The following FRG1 variants were observed in gnomAD, a reference collection of about 807,000 sequenced individuals.
FRG1 encodes the protein FSHD region gene 1.
Under a neutral mutation model 37.0 loss-of-function variants are expected in FRG1, and 19 were observed. The observed-to-expected ratio is 0.51, with a 90% CI of 0.36 to 0.75. FRG1 has a LOEUF of 0.75. Ranked by LOEUF, FRG1 falls within the 30% of genes least tolerant of loss-of-function variation. The pLI, the probability that FRG1 is intolerant of heterozygous loss-of-function variation, is 0.00. For missense variants in FRG1, 243 were observed against 301.4 expected (o/e 0.81, Z 1.44); for synonymous variants, 73 against 96.5 (o/e 0.76, Z 1.43).
At chr4:189,945,456 A>T (rs917053143) in intron 2 of FRG1, among the ~76,000 whole-genome samples, 2 of 152,252 alleles carry the variant, frequency 1.3e-5, no homozygotes, top group African/African-American at 4.8e-5. Context: ...AGTTTTTATC[A>T]TAACGATGTT....
At chr4:189,949,276 ATTATG>A (rs1259834007) in intron 2 of FRG1, among the ~76,000 whole-genome samples, 1 of 152,188 alleles carries the variant, frequency 6.6e-6, no homozygotes, top group Non-Finnish European at 1.5e-5. Flanking sequence ...ACCATTAAGT[ATTATG>A]TTATGTTACT....
chr4:189,948,993 T>C (rs1308319806), intron 2 of FRG1, among the ~76,000 whole-genome samples: 6 of 152,190 alleles, frequency 3.9e-5, no homozygotes, highest in Non-Finnish European at 8.8e-5. Context: ...ATGTAAACAT[T>C]CTAAACTATG....
intron 2 of FRG1, among the ~76,000 whole-genome samples, chr4:189,948,513 A>G (rs1420871031): frequency 2.0e-5 from 3 of 152,228 alleles, no homozygotes; most frequent in African/African-American, 7.2e-5. Flanking sequence ...TTCCAAATCT[A>G]AGATATATCA....
intron 1 of FRG1, among the ~76,000 whole-genome samples, chr4:189,942,533 G>C (rs531138405): frequency 1.3e-5 from 2 of 152,280 alleles, no homozygotes; most frequent in South Asian, 4.1e-4. Context: ...CATTGTTGTA[G>C]CGCCTGTTCC....
In FRG1 at chr4:189,963,175, T is replaced by C. The variant is rs772740393; in HGVS notation, c.*46T>C. ...TTATCTTTCTGTGTTTTTTTCTGAA[T>C]AAAATATTCAGAGGAAATGCTTTTA... On this transcript the variant is annotated 3_prime_UTR_variant, in exon 9 of 9. Coordinates refer to ENST00000226798, the MANE Select transcript of FRG1 (RefSeq NM_004477.3). 5 of 1,513,278 alleles carry C rather than the reference T, an allele frequency of 3.3e-6. No individual in the cohort carries two copies. Among genetic ancestry groups the C allele is most frequent in the South Asian group, 2.3e-5 (2 of 87,514 alleles). 93.7% of individuals were successfully genotyped at this position (1,513,278 alleles called of 1,614,324 possible).
chr4:189,951,940 A>T (rs1168536133), intron 2 of FRG1, among the ~76,000 whole-genome samples: 2 of 152,164 alleles, frequency 1.3e-5, no homozygotes, highest in Non-Finnish European at 2.9e-5. Context: ...AAATCTGAAT[A>T]AGCTTCATGG....
At chr4:189,946,179 A>T (rs548940378) in intron 2 of FRG1, among the ~76,000 whole-genome samples, 1 of 152,142 alleles carries the variant, frequency 6.6e-6, no homozygotes, top group Non-Finnish European at 1.5e-5. Flanking sequence ...TCTTTACAAG[A>T]TCATTTATTT....
At chr4:189,953,694 T>A (rs77486267) in intron 4 of FRG1, among the ~76,000 whole-genome samples, 2 of 152,184 alleles carry the variant, frequency 1.3e-5, no homozygotes, top group African/African-American at 4.8e-5. Flanking sequence ...TAATCATTAA[T>A]GTATAAAGGA....
At chr4:189,952,504 A>G (rs553609808) in intron 3 of FRG1, among the ~76,000 whole-genome samples, 65 of 152,372 alleles carry the variant, frequency 4.3e-4, no homozygotes, top group African/African-American at 1.5e-3. Flanking sequence ...GTTCCAGAAG[A>G]GTATCTTTGG....
At chr4:189,952,115 G>A in intron 2 of FRG1, 47 bp from the exon 3 acceptor site, 1 of 1,389,250 alleles carries the variant, frequency 7.2e-7, no homozygotes, top group Non-Finnish European at 9.9e-7. Flanking sequence ...AAAGAACTCT[G>A]TGTCAAAACT....
chr4:189,957,954 C>G (rs972999125), intron 6 of FRG1, among the ~76,000 whole-genome samples: 3 of 152,014 alleles, frequency 2.0e-5, no homozygotes, highest in African/African-American at 7.2e-5. Flanking sequence ...TTTATAGCCT[C>G]CTAAAATTTC....
intron 4 of FRG1, among the ~76,000 whole-genome samples, chr4:189,954,318 G>A (rs1236289336): frequency 1.3e-5 from 2 of 151,920 alleles, no homozygotes; most frequent in East Asian, 1.9e-4. Flanking sequence ...TATACTCTTC[G>A]ATCCAGTTAT....
chr4:189,959,951 T>G, intron 6 of FRG1: 4 of 880,366 alleles, frequency 4.5e-6, no homozygotes, highest in Non-Finnish European at 5.4e-6. Flanking sequence ...TGTCAGCCCT[T>G]CAGCTTTATG....
intron 1 of FRG1, among the ~76,000 whole-genome samples, chr4:189,941,592 G>A (rs571260280): frequency 7.6e-4 from 116 of 152,210 alleles, no homozygotes; most frequent in African/African-American, 2.7e-3. Context: ...GTGGCAAATT[G>A]GTTAATATGT....
chr4:189,948,994 C>A (rs1403301438), intron 2 of FRG1, among the ~76,000 whole-genome samples: 1 of 152,166 alleles, frequency 6.6e-6, no homozygotes, highest in Non-Finnish European at 1.5e-5. Flanking sequence ...TGTAAACATT[C>A]TAAACTATGT....
intron 6 of FRG1, among the ~76,000 whole-genome samples, chr4:189,958,042 AT>A (rs902113938): frequency 5.6e-4 from 82 of 146,534 alleles, no homozygotes; most frequent in African/African-American, 1.2e-3. Flanking sequence ...CTAGACTTCA[AT>A]TTTTTTTTTT....
At position 189,959,231 on chromosome 4, in the gene FRG1, A is replaced by G. The variant is rs533772759; in HGVS notation, c.538-1517A>G. On this transcript the variant is annotated intron_variant, in intron 6 of 8. Coordinates refer to ENST00000226798, the MANE Select transcript of FRG1 (RefSeq NM_004477.3). ...CAAATCTAAAGCTCAAACAATTTCAATCTAAAATGTAGGTATTTTCTTACA... is the reference window on the plus strand; with the variant it reads ...CAAATCTAAAGCTCAAACAATTTCAGTCTAAAATGTAGGTATTTTCTTACA... Among the ~76,000 whole-genome samples the G allele has an allele frequency of 3.3e-5, 5 of 152,324 alleles. No homozygotes were observed. In the South Asian group the frequency reaches 8.3e-4, roughly 25 times the overall value.
At chr4:189,961,714 T>C in intron 7 of FRG1, 108 bp from the exon 8 acceptor site, 1 of 587,978 alleles carries the variant, frequency 1.7e-6, no homozygotes, top group South Asian at 2.5e-5. Context: ...GGCCTACAAT[T>C]AGACTTTTTT....
intron 2 of FRG1, among the ~76,000 whole-genome samples, chr4:189,950,032 G>C (rs946903633): frequency 1.9e-4 from 29 of 152,044 alleles, no homozygotes; most frequent in African/African-American, 7.0e-4. Context: ...TGGCTTTCTT[G>C]GTTTCTGTTT....
Sources: gnomAD v4.1 joint callset for allele counts (sites outside exome capture counted in the v4.1 genomes callset) on GRCh38, gnomAD v4.1.1 for gene constraint, MANE v1.5 for transcripts, NCBI Gene and HGNC (gene_info 2026-07-23, HGNC 2026-07-21) for gene names.